TMPO: variants seen among roughly 807,000 people sequenced by gnomAD.
The protein encoded by TMPO is LEM domain containing 4.
Under a neutral mutation model 45.4 loss-of-function variants are expected in TMPO, and 22 were observed. That is an observed-to-expected ratio of 0.48 (90% confidence interval 0.35 to 0.69). TMPO has a LOEUF of 0.69. Among genes scored for constraint, TMPO ranks in the 30% least tolerant of loss-of-function variants. TMPO has a pLI of 0.01. For missense variants in TMPO, 512 were observed against 548.8 expected (o/e 0.93, Z 0.67); for synonymous variants, 241 against 204.1 (o/e 1.18, Z -1.54).
intron 1 of TMPO, among the ~76,000 whole-genome samples, chr12:98,523,882 G>T (rs1241258465): frequency 6.6e-6 from 1 of 152,040 alleles, no homozygotes; most frequent in Non-Finnish European, 1.5e-5. Context: ...CACCGTGTTG[G>T]CCAGGCTGGT....
intron 3 of TMPO, chr12:98,534,936 C>T: frequency 1.1e-6 from 1 of 935,558 alleles, no homozygotes; most frequent in Non-Finnish European, 1.3e-6. Context: ...GCAAGATAAG[C>T]ATGCACAAGA....
At chr12:98,517,047 G>C (rs1212044641) in intron 1 of TMPO, among the ~76,000 whole-genome samples, 1 of 152,184 alleles carries the variant, frequency 6.6e-6, no homozygotes, top group African/African-American at 2.4e-5. Flanking sequence ...CTGACCTCAG[G>C]TGGTCCTCCC....
intron 4 of TMPO, among the ~76,000 whole-genome samples, chr12:98,542,846 A>G (rs562837750): frequency 1.8e-4 from 27 of 151,316 alleles, no homozygotes; most frequent in Admixed American, 1.7e-3. Context: ...CAACAGAGCG[A>G]GATTCTGTCT....
chr12:98,528,037 A>C, intron 2 of TMPO, 25 bp downstream of exon 2: 1 of 1,613,508 alleles, frequency 6.2e-7, no homozygotes, highest in Non-Finnish European at 8.5e-7. Flanking sequence ...TTTCAAATAC[A>C]GTATCTTTTC....
At chr12:98,522,235 G>A (rs1876427506) in intron 1 of TMPO, among the ~76,000 whole-genome samples, 2 of 152,124 alleles carry the variant, frequency 1.3e-5, no homozygotes, top group South Asian at 4.1e-4. Flanking sequence ...GGCTGGTCTT[G>A]AATTCCTGGC....
chr12:98,525,922 A>G (rs1283523465), intron 1 of TMPO, among the ~76,000 whole-genome samples: 1 of 151,954 alleles, frequency 6.6e-6, no homozygotes, highest in Non-Finnish European at 1.5e-5. Flanking sequence ...ATTTACTTTG[A>G]TGTTGCCATT....
intron 1 of TMPO, among the ~76,000 whole-genome samples, chr12:98,524,780 G>C (rs1361923056): frequency 2.0e-5 from 3 of 152,004 alleles, no homozygotes; most frequent in African/African-American, 7.2e-5. Flanking sequence ...TTTTAAAAGA[G>C]ACGGGGTTTC....
In TMPO at chr12:98,537,507, G is replaced by A. The variant is rs1470247015; in HGVS notation, c.598G>A (p.Glu200Lys). 1.2e-6 allele frequency: 2 copies of A among 1,613,628 alleles called. No individual in the cohort carries two copies. Among genetic ancestry groups the A allele is most frequent in the East Asian group, 2.2e-5 (1 of 44,848 alleles). Residue 200 changes from glutamate to lysine, a missense_variant, in exon 4 of 9, where the codon GAA (glutamate) becomes AAA (lysine). Glu to Lys is a moderately conservative substitution (Grantham distance 56). This residue lies in a region of TMPO where 299 missense variants were observed against 296.7 expected (regional missense o/e 1.01). Transcript: ENST00000556029. Reference sequence around the variant, plus strand: ...AATAGAGCTCAAGCTTGAGAAGAGAGAACCACTAAAGGGCAGAGCAAAGAC... The same window carrying A: ...AATAGAGCTCAAGCTTGAGAAGAGAAAACCACTAAAGGGCAGAGCAAAGAC... ...SKIELKLEKR[E>K]PLKGRAKTPV...
chr12:98,544,327 C>CA lies in TMPO; in HGVS notation c.763dup (p.Arg255LysfsTer29). 6.2e-7 allele frequency: 1 copy of CA among 1,613,898 alleles called. No homozygotes were observed. Among genetic ancestry groups the CA allele is most frequent in the Non-Finnish European group, 8.5e-7 (1 of 1,179,898 alleles). ...TTAACTAGGGAATCTACAAGAGGGT[C>CA]AAGAAGAACTCCAAGGAAAAGGGTG... On this transcript the variant is annotated frameshift_variant, in exon 5 of 9. Transcript: ENST00000556029. LOFTEE classifies it high-confidence loss of function.
chr12:98,516,590 G>A (rs550683424), intron 1 of TMPO: 2 of 966,802 alleles, frequency 2.1e-6, no homozygotes, highest in African/African-American at 3.5e-5. Flanking sequence ...CTCCCTGGAG[G>A]GCAACTGATG....
chr12:98,516,341 C>T (rs1358858158), intron 1 of TMPO, 195 bp downstream of exon 1: 6 of 1,220,054 alleles, frequency 4.9e-6, no homozygotes, highest in Middle Eastern at 6.4e-4. Context: ...GTTGGGGCCG[C>T]GGGGTTCGCG....
At chr12:98,531,577 A>T in intron 2 of TMPO, 103 bp from the exon 3 acceptor site, 3 of 1,275,416 alleles carry the variant, frequency 2.4e-6, no homozygotes, top group South Asian at 2.6e-5. Context: ...GAGTTTAGAA[A>T]AATAAAGGGT....
In TMPO at chr12:98,521,358, C is replaced by T. The variant is rs372068107; in HGVS notation, c.279+5212C>T. On this transcript the variant is annotated intron_variant, in intron 1 of 8. Transcript: ENST00000556029. ...GGATCTCCTGATCTTCTGATCCTCCCGCCTCAGCCTCCCAGAGTGCTGGGA... is the reference window on the plus strand; with the variant it reads ...GGATCTCCTGATCTTCTGATCCTCCTGCCTCAGCCTCCCAGAGTGCTGGGA... 1.9e-4 allele frequency among the ~76,000 whole-genome samples: 29 copies of T among 151,912 alleles called. 4 individuals are homozygous for T. Among genetic ancestry groups the T allele is most frequent in the East Asian group, 3.9e-4 (2 of 5,162 alleles).
chr12:98,539,471 C>CTTTT (rs398039980), intron 4 of TMPO, among the ~76,000 whole-genome samples: 12,762 of 123,206 alleles, frequency 0.1, 1,189 homozygotes, highest in African/African-American at 0.22. Flanking sequence ...TTTTAAATTA[C>CTTTT]TTTTTTTTTT....
In TMPO at chr12:98,515,653, G is replaced by T. The variant is rs748364263; in HGVS notation, c.-215G>T. On this transcript the variant is annotated 5_prime_UTR_variant, in exon 1 of 9. Coordinates refer to ENST00000556029, the MANE Select transcript of TMPO (RefSeq NM_001032283.3). ...TGGGGTTGGTGCGAGCTTCCAGCTTGGCCGCAGTTGGTTCGTAGTTCGGCT... is the reference window on the plus strand; with the variant it reads ...TGGGGTTGGTGCGAGCTTCCAGCTTTGCCGCAGTTGGTTCGTAGTTCGGCT... 1.1e-6 allele frequency: 1 copy of T among 935,352 alleles called. No individual in the cohort carries two copies. Among genetic ancestry groups the T allele is most frequent in the Non-Finnish European group, 1.6e-6 (1 of 636,696 alleles). 57.9% of individuals were successfully genotyped at this position (935,352 alleles called of 1,614,324 possible). A position where few individuals can be genotyped will look rare whatever the true frequency, so the allele number is the denominator to read the frequency against.
chr12:98,524,588 A>G (rs556324924), intron 1 of TMPO, among the ~76,000 whole-genome samples: 1 of 152,094 alleles, frequency 6.6e-6, no homozygotes, highest in Non-Finnish European at 1.5e-5. Flanking sequence ...AAAAGAAAAA[A>G]AAAAAAGAGT....
intron 7 of TMPO, 70 bp downstream of exon 7, chr12:98,545,131 T>TTG: frequency 1.9e-5 from 15 of 785,082 alleles, no homozygotes; most frequent in South Asian, 7.0e-5. Flanking sequence ...ATTTGTTTGT[T>TTG]TTTTTTTTTT....
At chr12:98,531,879 T>C in intron 3 of TMPO, 41 bp downstream of exon 3, 1 of 1,560,406 alleles carries the variant, frequency 6.4e-7, no homozygotes, top group South Asian at 1.2e-5. Context: ...ATGGAATTTT[T>C]TCACACTCAA....
At chr12:98,540,601 C>CTCCCGACCTCAGGTG (rs1877859201) in intron 4 of TMPO, among the ~76,000 whole-genome samples, 1 of 152,202 alleles carries the variant, frequency 6.6e-6, no homozygotes, top group Non-Finnish European at 1.5e-5. Context: ...AGGTCTCGAA[C>CTCCCGACCTCAGGTG]TCCCGACCTC....
Sources: gnomAD v4.1 joint callset for allele counts (sites outside exome capture counted in the v4.1 genomes callset) on GRCh38, gnomAD v4.1.1 for gene constraint, gnomAD v4.1.1 regional missense constraint, MANE v1.5 for transcripts, NCBI Gene and HGNC (gene_info 2026-07-23, HGNC 2026-07-21) for gene names.